Variants in PPP1R16B observed in about 807,000 individuals in gnomAD.
The protein encoded by PPP1R16B is protein phosphatase 1 regulatory subunit 16B, also known as protein phosphatase 1 regulatory inhibitor subunit 16B.
PPP1R16B carries 14 observed loss-of-function variants against 61.7 expected under a neutral mutation model. The observed-to-expected ratio is 0.23, with a 90% CI of 0.15 to 0.35. The LOEUF (loss-of-function observed/expected upper bound fraction) is 0.35, where lower values mean the gene tolerates loss of function less well. Among genes scored for constraint, PPP1R16B ranks in the 10% least tolerant of loss-of-function variants. The pLI, the probability that PPP1R16B is intolerant of heterozygous loss-of-function variation, is 1.00. For missense variants in PPP1R16B, 547 were observed against 752.5 expected, an observed-to-expected ratio of 0.73 and a Z score of 3.19; for synonymous variants, 266 against 305.3, an observed-to-expected ratio of 0.87 and a Z score of 1.34.
At chr20:38,899,084 T>G (rs576024197) in intron 4 of PPP1R16B, among the ~76,000 whole-genome samples, 1 of 152,272 alleles carries the variant, frequency 6.6e-6, no homozygotes, top group South Asian at 2.1e-4. Flanking sequence ...CCTTTTGCAC[T>G]GGTCTTGGCA....
Position 38,836,070 on chromosome 20 carries a change from C to A in PPP1R16B, c.145C>A (p.Arg49=). The A allele has an allele frequency of 6.2e-7, 1 of 1,611,394 alleles. No homozygotes were observed. The highest frequency in any genetic ancestry group is 8.5e-7 in the Non-Finnish European group (1 of 1,179,424). ...CGAGCAGGACTTGCAGCACCGCAAG[C>A]GAAAGCATGAGCGGAAGCGCAGCAC... ...QYEQDLQHRK[R]KHERKRSTGG... Residue 49 remains arginine (R), a synonymous_variant, in exon 2 of 11, where the codon CGA becomes AGA. Coordinates refer to ENST00000299824, the MANE Select transcript of PPP1R16B (RefSeq NM_015568.4).
intron 2 of PPP1R16B, among the ~76,000 whole-genome samples, chr20:38,864,827 A>G (rs2085079000): frequency 6.6e-6 from 1 of 152,186 alleles, no homozygotes; most frequent in Non-Finnish European, 1.5e-5. Context: ...TCTGGGTGAC[A>G]CTGTGGGACT....
intron 3 of PPP1R16B, among the ~76,000 whole-genome samples, chr20:38,894,917 G>A (rs1296745624): frequency 6.6e-6 from 1 of 152,168 alleles, no homozygotes. Flanking sequence ...ATGTAGGCAG[G>A]AACACAAACA....
chr20:38,903,111 G>A (rs2085409856), intron 6 of PPP1R16B, among the ~76,000 whole-genome samples: 1 of 152,138 alleles, frequency 6.6e-6, no homozygotes, highest in Non-Finnish European at 1.5e-5. Flanking sequence ...CTCTAGCCTG[G>A]GTGACAGAAA....
chr20:38,825,258 G>C (rs1295936059), intron 1 of PPP1R16B, among the ~76,000 whole-genome samples: 1 of 152,154 alleles, frequency 6.6e-6, no homozygotes, highest in Non-Finnish European at 1.5e-5. Context: ...TTCCTGAATG[G>C]ACCCTATCCA....
intron 2 of PPP1R16B, among the ~76,000 whole-genome samples, chr20:38,871,301 T>C (rs992932550): frequency 2.0e-5 from 3 of 152,056 alleles, no homozygotes; most frequent in African/African-American, 7.2e-5. Flanking sequence ...GGAATTTGGC[T>C]CCTTTTGAAA....
intron 2 of PPP1R16B, among the ~76,000 whole-genome samples, chr20:38,841,929 T>C (rs990193858): frequency 1.7e-4 from 26 of 152,234 alleles, no homozygotes; most frequent in African/African-American, 5.8e-4. Flanking sequence ...TATGTTTTCA[T>C]TTCTCTTGGG....
chr20:38,898,800 A>C (rs1568680740), intron 4 of PPP1R16B, among the ~76,000 whole-genome samples: 1 of 150,910 alleles, frequency 6.6e-6, no homozygotes, highest in Non-Finnish European at 1.5e-5. Context: ...ATGGAGCAAG[A>C]CCTTGTTTCA....
intron 2 of PPP1R16B, among the ~76,000 whole-genome samples, chr20:38,857,183 C>G (rs2145734123): frequency 6.6e-6 from 1 of 152,332 alleles, no homozygotes; most frequent in South Asian, 2.1e-4. Flanking sequence ...CAGTGAATTT[C>G]CATTATCTAT....
intron 2 of PPP1R16B, among the ~76,000 whole-genome samples, chr20:38,886,550 G>A (rs1022749422): frequency 2.6e-5 from 4 of 152,160 alleles, no homozygotes; most frequent in Non-Finnish European, 5.9e-5. Context: ...TCTCCCAAAA[G>A]CCATCTGTAA....
chr20:38,903,654 A>G (rs1168297206), intron 6 of PPP1R16B, among the ~76,000 whole-genome samples: 1 of 152,058 alleles, frequency 6.6e-6, no homozygotes, highest in Non-Finnish European at 1.5e-5. Flanking sequence ...GTCAACACAC[A>G]GTTATGAGCA....
In PPP1R16B at chr20:38,902,793, G is replaced by A; in HGVS notation, c.696+1G>A. 6.2e-7 allele frequency: 1 copy of A among 1,614,188 alleles called. No individual in the cohort carries two copies. The highest frequency in any genetic ancestry group is 8.5e-7 in the Non-Finnish European group (1 of 1,180,042). Reference sequence around the variant, plus strand: ...GATAGATGCCCAGGGTGCCACACTGGTGAGGAGATGGGCCAGTACCAAAAC... The same window carrying A: ...GATAGATGCCCAGGGTGCCACACTGATGAGGAGATGGGCCAGTACCAAAAC... On this transcript the variant is annotated splice_donor_variant, in intron 6 of 10. Transcript: ENST00000299824. LOFTEE classifies it high-confidence loss of function.
intron 5 of PPP1R16B, 54 bp downstream of exon 5, chr20:38,900,738 G>A (rs367860053): frequency 3.9e-5 from 54 of 1,384,644 alleles, no homozygotes; most frequent in Admixed American, 1.8e-4. Flanking sequence ...TGCAGAGAGC[G>A]TCCCTTAAAT....
chr20:38,829,385 C>G (rs929016674), intron 1 of PPP1R16B, among the ~76,000 whole-genome samples: 1 of 152,216 alleles, frequency 6.6e-6, no homozygotes, highest in Non-Finnish European at 1.5e-5. Flanking sequence ...TCCACAGATC[C>G]CTGCCACAGA....
At chr20:38,860,067 G>T (rs144369842) in intron 2 of PPP1R16B, among the ~76,000 whole-genome samples, 4 of 152,142 alleles carry the variant, frequency 2.6e-5, no homozygotes, top group African/African-American at 9.7e-5. Context: ...TCCACCTTCC[G>T]AGTTCAAGTG....
Position 38,885,178 on chromosome 20 carries a change from A to ACC in PPP1R16B, c.251-4413_251-4412dup, listed in dbSNP as rs972880607. Among the ~76,000 whole-genome samples the ACC allele has an allele frequency of 2.6e-5, 4 of 151,786 alleles. No homozygotes were observed. The East Asian group carries it at 7.7e-4, about 29-fold the overall frequency. On this transcript the variant is annotated intron_variant, in intron 2 of 10. Transcript: ENST00000299824. ...AGACCAGCCTGGTCAACATAGTGAG[A>ACC]CCCCCATCCCTATATTAAAAAAATA...
intron 2 of PPP1R16B, among the ~76,000 whole-genome samples, chr20:38,874,804 T>G (rs2085154851): frequency 6.6e-6 from 1 of 152,196 alleles, no homozygotes; most frequent in Non-Finnish European, 1.5e-5. Flanking sequence ...GTGGGGGTAT[T>G]GGAGCCTCTT....
At chr20:38,886,632 A>T (rs1017716109) in intron 2 of PPP1R16B, among the ~76,000 whole-genome samples, 2 of 152,230 alleles carry the variant, frequency 1.3e-5, no homozygotes, top group African/African-American at 4.8e-5. Context: ...ATAATCTCCT[A>T]CATGGTCCTG....
At position 38,918,136 on chromosome 20, in the gene PPP1R16B, T is replaced by C. The variant is rs2145789467; in HGVS notation, c.1195-21T>C. The C allele has an allele frequency of 3.1e-6, 5 of 1,610,628 alleles. No individual in the cohort carries two copies. The highest frequency in any genetic ancestry group is 2.2e-5 in the East Asian group (1 of 44,810). On this transcript the variant is annotated intron_variant, in intron 10 of 10. Coordinates refer to ENST00000299824, the MANE Select transcript of PPP1R16B (RefSeq NM_015568.4). The surrounding 1 kb of genome is among the most constrained non-coding windows in gnomAD (Gnocchi z 5.3). ...TTCAGATCTTCCAGCCAGCTGGTAA[T>C]GTTGTCCTTCTCACTCGCAGAACCC...
Sources: gnomAD v4.1 joint callset for allele counts (sites outside exome capture counted in the v4.1 genomes callset) on GRCh38, gnomAD v4.1.1 for gene constraint, Gnocchi (gnomAD v3.1) non-coding constraint, MANE v1.5 for transcripts, NCBI Gene and HGNC (gene_info 2026-07-23, HGNC 2026-07-21) for gene names.